MON2: variants seen among roughly 807,000 people sequenced by gnomAD.
The protein encoded by MON2 is protein MON2 homolog.
A neutral mutation model predicts 208.6 loss-of-function variants in MON2; 84 were observed. The observed-to-expected ratio is 0.40, with a 90% CI of 0.34 to 0.48. The LOEUF (loss-of-function observed/expected upper bound fraction) is 0.48, where lower values mean the gene tolerates loss of function less well. Ranked by LOEUF, MON2 falls within the 20% of genes least tolerant of loss-of-function variation. MON2 has a pLI of 0.59. For synonymous variants in MON2, 660 were observed against 694.0 expected (o/e 0.95, Z 0.77); for missense variants, 1,611 against 2,015.4 (o/e 0.80, Z 3.84).
intron 1 of MON2, among the ~76,000 whole-genome samples, chr12:62,474,143 A>G (rs1025831527): frequency 6.7e-6 from 1 of 149,082 alleles, no homozygotes; most frequent in African/African-American, 2.5e-5. Context: ...TCTGAGACAA[A>G]GTCTCGCTCT....
In MON2 at chr12:62,544,900, C is replaced by A; in HGVS notation, c.2469C>A (p.Val823=). 6.2e-7 allele frequency: 1 copy of A among 1,605,292 alleles called. No homozygotes were observed. The highest frequency in any genetic ancestry group is 8.5e-7 in the Non-Finnish European group (1 of 1,175,818). ...AACTTAATTTTATATACCTTCAGGTCTGCCAGCATCCAAACTCTCGAATGA... is the reference window on the plus strand; with the variant it reads ...AACTTAATTTTATATACCTTCAGGTATGCCAGCATCCAAACTCTCGAATGA... ...WRPLTGHLLE[V]CQHPNSRMRE... Residue 823 remains valine, a splice_region_variant and synonymous_variant, in exon 21 of 35, where the codon GTC becomes GTA. Coordinates refer to ENST00000393630, the MANE Select transcript of MON2 (RefSeq NM_015026.3).
chr12:62,592,537 ATC>A, intron 34 of MON2, 47 bp from the exon 35 acceptor site: 1 of 1,429,550 alleles, frequency 7.0e-7, no homozygotes, highest in Non-Finnish European at 9.6e-7. Flanking sequence ...TAATTGAATA[ATC>A]TCTATTTAAT....
chr12:62,550,344 T>C (rs2136296462), intron 23 of MON2, among the ~76,000 whole-genome samples: 1 of 151,914 alleles, frequency 6.6e-6, no homozygotes, highest in South Asian at 2.1e-4. Flanking sequence ...GGCTGGGCAA[T>C]AAAATGAGAC....
chr12:62,494,759 A>G (rs1282032753), intron 3 of MON2, among the ~76,000 whole-genome samples: 1 of 152,192 alleles, frequency 6.6e-6, no homozygotes, highest in Non-Finnish European at 1.5e-5. Flanking sequence ...TGTGATTTTG[A>G]CTAGGTATTA....
At chr12:62,484,923 T>C (rs930869058) in intron 2 of MON2, 1 of 151,818 alleles carries the variant, frequency 6.6e-6, no homozygotes, top group African/African-American at 2.4e-5. Context: ...GGCTTTTTTT[T>C]TTTTTTTTTT....
chr12:62,482,067 A>G (rs2069476911), intron 1 of MON2, among the ~76,000 whole-genome samples: 1 of 152,206 alleles, frequency 6.6e-6, no homozygotes, highest in African/African-American at 2.4e-5. Context: ...TTCGGAAACT[A>G]GATACTGCTT....
At chr12:62,569,021 A>C (rs531685678) in intron 29 of MON2, among the ~76,000 whole-genome samples, 1 of 152,294 alleles carries the variant, frequency 6.6e-6, no homozygotes, top group Admixed American at 6.5e-5. Context: ...GATGCCACTT[A>C]CCACATTGTT....
chr12:62,564,658 T>C lies in MON2; in HGVS notation c.4033-579T>C, dbSNP rs1013782270. On this transcript the variant is annotated intron_variant, in intron 26 of 34. Coordinates refer to ENST00000393630, the MANE Select transcript of MON2 (RefSeq NM_015026.3). ...TAAAATGTTTTCTTATATTAAAATA[T>C]TTTATTTTAAATCAAATCGATATAT... Among the ~76,000 whole-genome samples, 21 of 152,148 alleles carry C rather than the reference T, an allele frequency of 1.4e-4. 1 individual carries two copies. Among genetic ancestry groups the C allele is most frequent in the Admixed American group, 9.8e-4 (15 of 15,266 alleles).
intron 8 of MON2, among the ~76,000 whole-genome samples, chr12:62,518,299 G>A (rs958745749): frequency 1.3e-5 from 2 of 152,146 alleles, no homozygotes; most frequent in East Asian, 1.9e-4. Flanking sequence ...TTAGACCATA[G>A]CATTGCTTTG....
Position 62,543,208 on chromosome 12 carries a change from C to G in MON2, c.2466+10C>G. ...TGGCCATCTACTTGAGGTAAATTCTCTTTCTTAAATATATTTAATTTTTTA... is the reference window on the plus strand; with the variant it reads ...TGGCCATCTACTTGAGGTAAATTCTGTTTCTTAAATATATTTAATTTTTTA... On this transcript the variant is annotated intron_variant, in intron 20 of 34. Coordinates refer to ENST00000393630, the MANE Select transcript of MON2 (RefSeq NM_015026.3). 1.4e-6 allele frequency: 2 copies of G among 1,402,302 alleles called. No homozygotes were observed. Among genetic ancestry groups the G allele is most frequent in the African/African-American group, 3.0e-5 (2 of 65,660 alleles). The allele number at this position is 1,402,302 out of a possible 1,614,324, so 86.9% of individuals were successfully genotyped here.
chr12:62,548,864 C>G (rs2073617252), intron 22 of MON2, among the ~76,000 whole-genome samples: 1 of 152,114 alleles, frequency 6.6e-6, no homozygotes, highest in East Asian at 1.9e-4. Context: ...TCAAAATTTA[C>G]TCTTTTCTCA....
chr12:62,494,777 G>A (rs2070379332), intron 3 of MON2, among the ~76,000 whole-genome samples: 1 of 152,146 alleles, frequency 6.6e-6, no homozygotes, highest in Non-Finnish European at 1.5e-5. Context: ...TTACAAAACT[G>A]CTTGCTGCTA....
intron 2 of MON2, among the ~76,000 whole-genome samples, chr12:62,485,254 C>G (rs1255823188): frequency 6.6e-6 from 1 of 152,146 alleles, no homozygotes; most frequent in African/African-American, 2.4e-5. Flanking sequence ...TGCTGTTGAT[C>G]TCAGCTAATC....
At position 62,544,989 on chromosome 12, in the gene MON2, C is replaced by T; in HGVS notation, c.2558C>T (p.Pro853Leu). ...GCAGGATTAACATTTAACCATGATC[C>T]TCCACTCTCACAAAACCAGGTAATA... ...IKAGLTFNHD[P>L]PLSQNQRLQL... The change falls in exon 21 of 35, where the codon CCT becomes CTT. Residue 853 changes from proline to leucine, a missense_variant. Coordinates refer to ENST00000393630, the MANE Select transcript of MON2 (RefSeq NM_015026.3). 2 of 1,586,740 alleles carry T rather than the reference C, an allele frequency of 1.3e-6. No homozygotes were observed. Among genetic ancestry groups the T allele is most frequent in the Non-Finnish European group, 1.7e-6 (2 of 1,166,370 alleles).
At position 62,600,156 on chromosome 12, in the gene MON2, C is replaced by T. The variant is rs7311194; in HGVS notation, c.*7407C>T. The T allele has an allele frequency of 0.73, 111,534 of 152,098 alleles. 41,472 individuals are homozygous for T. The highest frequency in any genetic ancestry group is 0.8 in the Middle Eastern group (235 of 294). 9.4% of individuals were successfully genotyped at this position (152,098 alleles called of 1,614,324 possible). Reference sequence around the variant, plus strand: ...GTTAATCGTGGTATTTAACAGAATTCAAAATGTAGTGTGTTCTAAAGCGCT... The same window carrying T: ...GTTAATCGTGGTATTTAACAGAATTTAAAATGTAGTGTGTTCTAAAGCGCT... On this transcript the variant is annotated 3_prime_UTR_variant, in exon 35 of 35. Coordinates refer to ENST00000393630, the MANE Select transcript of MON2 (RefSeq NM_015026.3).
At chr12:62,575,351 TTTG>T in intron 30 of MON2, among the ~76,000 whole-genome samples, 1 of 152,348 alleles carries the variant, frequency 6.6e-6, no homozygotes, top group South Asian at 2.1e-4. Flanking sequence ...AGGTTTTCTC[TTTG>T]TTTTTATTTT....
At chr12:62,514,012 C>T (rs149440462) in intron 8 of MON2, among the ~76,000 whole-genome samples, 1,681 of 136,280 alleles carry the variant, frequency 0.012, 127 homozygotes, top group Middle Eastern at 0.036. Flanking sequence ...AATCATTTCT[C>T]CCAAGTTCAA....
intron 8 of MON2, among the ~76,000 whole-genome samples, chr12:62,521,398 G>T (rs904068340): frequency 6.6e-6 from 1 of 152,112 alleles, no homozygotes; most frequent in Non-Finnish European, 1.5e-5. Flanking sequence ...ACAGTTTGGG[G>T]TTACTGCCTT....
chr12:62,501,034 T>G (rs1300455277), intron 6 of MON2, among the ~76,000 whole-genome samples, 154 bp downstream of exon 6: 4 of 152,144 alleles, frequency 2.6e-5, no homozygotes, highest in Admixed American at 2.6e-4. Context: ...ACTTTTATAT[T>G]TACTTTATAG....
Sources: gnomAD v4.1 joint callset for allele counts (sites outside exome capture counted in the v4.1 genomes callset) on GRCh38, gnomAD v4.1.1 for gene constraint, MANE v1.5 for transcripts, NCBI Gene and HGNC (gene_info 2026-07-23, HGNC 2026-07-21) for gene names.